The following CACHD1 variants were observed in gnomAD, a reference collection of about 807,000 sequenced individuals.
CACHD1 encodes VWFA and cache domain-containing protein 1.
A neutral mutation model predicts 138.7 loss-of-function variants in CACHD1; 71 were observed. The observed-to-expected ratio is 0.51, with a 90% CI of 0.42 to 0.62. The LOEUF (loss-of-function observed/expected upper bound fraction) is 0.62. Among genes scored for constraint, CACHD1 ranks in the 20% least tolerant of loss-of-function variants. CACHD1 has a pLI of 0.00. For missense variants in CACHD1, 1,389 were observed against 1,625.3 expected (o/e 0.85, Z 2.50); for synonymous variants, 578 against 591.5 (o/e 0.98, Z 0.33).
At position 64,629,378 on chromosome 1, in the gene CACHD1, A is replaced by G. The variant is rs754213876; in HGVS notation, c.541A>G (p.Asn181Asp). 6.2e-7 allele frequency: 1 copy of G among 1,614,088 alleles called. No individual in the cohort carries two copies. The highest frequency in any genetic ancestry group is 1.1e-5 in the South Asian group (1 of 91,066). Residue 181 changes from asparagine to aspartate, a missense_variant, in exon 5 of 27, where the codon AAC becomes GAC. Asn to Asp is a conservative substitution (Grantham distance 23). Around this residue, in one of 5 missense-constraint regions of CACHD1, gnomAD observed 1,000 missense variants for 1,114.7 expected, o/e 0.90. Transcript: ENST00000651257. ...NSVLADNLKS[N>D]PGIKWQYFSS... ...AGTTCTTGCAGACAACCTGAAATCC[A>G]ACCCTGGAATTAAGTGGCAATATTT... is the stretch of plus-strand genomic sequence containing the variant.
At chr1:64,574,316 G>A (rs561688257) in intron 2 of CACHD1, among the ~76,000 whole-genome samples, 1 of 152,258 alleles carries the variant, frequency 6.6e-6, no homozygotes, top group Non-Finnish European at 1.5e-5. Flanking sequence ...GTTGTTATAA[G>A]GCACAAATGA....
chr1:64,543,519 T>C (rs1330101382), intron 1 of CACHD1, among the ~76,000 whole-genome samples: 2 of 151,212 alleles, frequency 1.3e-5, no homozygotes, highest in African/African-American at 2.4e-5. Flanking sequence ...AAAGCTGCAG[T>C]GAGCTAGGAT....
At chr1:64,649,949 G>A (rs1465158043) in intron 9 of CACHD1, among the ~76,000 whole-genome samples, 1 of 152,156 alleles carries the variant, frequency 6.6e-6, no homozygotes, top group Non-Finnish European at 1.5e-5. Context: ...CACATCCTCT[G>A]ACTCCATGAC....
At chr1:64,605,780 A>G (rs1416623585) in intron 4 of CACHD1, among the ~76,000 whole-genome samples, 1 of 152,012 alleles carries the variant, frequency 6.6e-6, no homozygotes, top group African/African-American at 2.4e-5. Context: ...TTTTTTGTCT[A>G]TTTATTGTAT....
At chr1:64,636,321 G>A (rs754651605) in intron 7 of CACHD1, among the ~76,000 whole-genome samples, 13 of 152,180 alleles carry the variant, frequency 8.5e-5, no homozygotes, top group Non-Finnish European at 1.5e-4. Context: ...GGTACATGGT[G>A]TGTTAGTTTT....
At chr1:64,614,231 G>C (rs922080553) in intron 4 of CACHD1, among the ~76,000 whole-genome samples, 1 of 152,226 alleles carries the variant, frequency 6.6e-6, no homozygotes, top group South Asian at 2.1e-4. Context: ...CACCAGCTGG[G>C]CATCTGCCTA....
chr1:64,574,024 A>G (rs1302144303), intron 2 of CACHD1, among the ~76,000 whole-genome samples: 1 of 152,232 alleles, frequency 6.6e-6, no homozygotes, highest in Non-Finnish European at 1.5e-5. Flanking sequence ...GGTGAGTCCT[A>G]GGAAATTCTG....
At position 64,666,735 on chromosome 1, in the gene CACHD1, G is replaced by A. The variant is rs200891524; in HGVS notation, c.2387+568G>A. The stretch of plus-strand genomic sequence containing the variant: ...CTACAAAAATAAAATAATTAATCAG[G>A]CATGATGGGGCACACTTGTATTCCT... On this transcript the variant is annotated intron_variant, in intron 16 of 26. Transcript: ENST00000651257. Among the ~76,000 whole-genome samples, 7 of 151,442 alleles carry A rather than the reference G, an allele frequency of 4.6e-5. No homozygotes were observed. In the East Asian group the frequency reaches 1.4e-3, roughly 29 times the overall value.
chr1:64,654,595 G>A, intron 11 of CACHD1, 91 bp from the exon 12 acceptor site: 1 of 821,194 alleles, frequency 1.2e-6, no homozygotes, highest in Non-Finnish European at 2.0e-6. Flanking sequence ...ATCAGGAGGT[G>A]GCCATTGACT....
chr1:64,543,202 C>G (rs1179853982), intron 1 of CACHD1, among the ~76,000 whole-genome samples: 1 of 151,380 alleles, frequency 6.6e-6, no homozygotes, highest in Non-Finnish European at 1.5e-5. Flanking sequence ...CTTTTCCATA[C>G]TCTTGGCAAA....
intron 15 of CACHD1, 144 bp from the exon 16 acceptor site, chr1:64,665,913 G>A (rs1002522210): frequency 1.1e-4 from 46 of 411,690 alleles, no homozygotes; most frequent in Non-Finnish European, 2.0e-4. Context: ...GCTGAGGCAG[G>A]AGAATGGCGT....
chr1:64,676,744 A>C (rs1650005414), intron 21 of CACHD1, 151 bp from the exon 22 acceptor site: 1 of 613,712 alleles, frequency 1.6e-6, no homozygotes, highest in Non-Finnish European at 3.0e-6. Flanking sequence ...ATTGAAGCTC[A>C]GAGTTGTTAA....
intron 2 of CACHD1, among the ~76,000 whole-genome samples, chr1:64,556,387 C>T (rs373859857): frequency 1.3e-5 from 2 of 152,078 alleles, no homozygotes; most frequent in East Asian, 1.9e-4. Flanking sequence ...GAAAGGGAAC[C>T]GTTTCTTTAT....
intron 9 of CACHD1, among the ~76,000 whole-genome samples, chr1:64,648,860 A>G (rs1481449010): frequency 1.3e-5 from 2 of 152,202 alleles, no homozygotes; most frequent in Non-Finnish European, 2.9e-5. Flanking sequence ...CAATAATAAT[A>G]AAACATCTAG....
At chr1:64,559,760 C>T (rs572481109) in intron 2 of CACHD1, among the ~76,000 whole-genome samples, 8 of 152,294 alleles carry the variant, frequency 5.3e-5, no homozygotes, top group Non-Finnish European at 1.2e-4. Context: ...TGATAGAATT[C>T]AGGAGAGCAC....
chr1:64,670,558 A>G lies in CACHD1; in HGVS notation c.2388-1006A>G, dbSNP rs371508677. Among the ~76,000 whole-genome samples, 63 of 152,324 alleles carry G rather than the reference A, an allele frequency of 4.1e-4. No individual in the cohort carries two copies. The South Asian group carries it at 0.013, about 31-fold the overall frequency. On this transcript the variant is annotated intron_variant, in intron 16 of 26. Transcript: ENST00000651257. ...CATGCCCTCCCAGTTACCCATGAGC[A>G]TAGATTAAAAACAGCCAAGGTTCCA...
intron 9 of CACHD1, among the ~76,000 whole-genome samples, chr1:64,648,308 C>T (rs1402418105): frequency 1.3e-5 from 2 of 152,148 alleles, no homozygotes; most frequent in Admixed American, 6.5e-5. Flanking sequence ...TATCATGGCA[C>T]ATGGGAAATG....
chr1:64,613,664 A>C (rs1647608742), intron 4 of CACHD1: 1 of 152,156 alleles, frequency 6.6e-6, no homozygotes, highest in African/African-American at 2.4e-5. Context: ...TTTCTATAAA[A>C]TTACTTTCTG....
intron 3 of CACHD1, among the ~76,000 whole-genome samples, chr1:64,598,902 T>G (rs1450132100): frequency 6.7e-6 from 1 of 148,518 alleles, no homozygotes; most frequent in African/African-American, 2.5e-5. Context: ...GGAATATGAT[T>G]AGATATATTA....
Sources: gnomAD v4.1 joint callset for allele counts (sites outside exome capture counted in the v4.1 genomes callset) on GRCh38, gnomAD v4.1.1 for gene constraint, gnomAD v4.1.1 regional missense constraint, MANE v1.5 for transcripts, NCBI Gene and HGNC (gene_info 2026-07-23, HGNC 2026-07-21) for gene names.